CCDC85C: variants seen among roughly 807,000 people sequenced by gnomAD.
CCDC85C encodes the protein coiled-coil domain containing 85C, also known as coiled-coil domain-containing protein 85C.
CCDC85C carries 18 observed loss-of-function variants against 38.3 expected under a neutral mutation model. That is an observed-to-expected ratio of 0.47 (90% CI 0.33 to 0.70). The LOEUF is 0.70. Among genes scored for constraint, CCDC85C ranks in the 30% least tolerant of loss-of-function variants. CCDC85C has a pLI of 0.03. For synonymous variants in CCDC85C, 264 were observed against 293.8 expected (o/e 0.90, Z 1.04); for missense variants, 566 against 621.2 (o/e 0.91, Z 0.94).
chr14:99,515,173 G>T lies in CCDC85C; in HGVS notation c.*73C>A. The T allele has an allele frequency of 1.8e-6, 2 of 1,098,708 alleles. No homozygotes were observed. The highest frequency in any genetic ancestry group is 2.7e-6 in the Non-Finnish European group (2 of 749,944). The allele number at this position is 1,098,708 out of a possible 1,614,324, so 68.1% of individuals were successfully genotyped here. On this transcript the variant is annotated 3_prime_UTR_variant, in exon 6 of 6. Coordinates refer to ENST00000380243, the MANE Select transcript of CCDC85C (RefSeq NM_001144995.2). The stretch of plus-strand genomic sequence containing the variant: ...AGACAGGGGCTGGGCTGGAGGTCCT[G>T]CCCGTGTCTGGGGCCTGAAACTCCC...
chr14:99,592,809 G>A (rs907777836), intron 1 of CCDC85C, among the ~76,000 whole-genome samples: 17 of 152,198 alleles, frequency 1.1e-4, no homozygotes, highest in Admixed American at 7.9e-4. Context: ...CCAGAGGACA[G>A]ACCCAAAAGG....
At position 99,502,498 on chromosome 14, in the gene CCDC85C, C is replaced by T. The variant is rs901826282; in HGVS notation, c.*12748G>A. 7 of 1,407,344 alleles carry T rather than the reference C, an allele frequency of 5.0e-6. No individual in the cohort carries two copies. In the African/African-American group the frequency reaches 8.7e-5, roughly 18 times the overall value. The allele number at this position is 1,407,344 out of a possible 1,614,324, so 87.2% of individuals were successfully genotyped here. ...ACATATGTGAGCAATATTTCAGAAG[C>T]ATCATTAATTAAATTATCTAATAGT... On this transcript the variant is annotated 3_prime_UTR_variant, in exon 6 of 6. Coordinates refer to ENST00000380243, the MANE Select transcript of CCDC85C (RefSeq NM_001144995.2).
At chr14:99,540,328 G>A (rs1897687471) in intron 1 of CCDC85C, among the ~76,000 whole-genome samples, 1 of 152,106 alleles carries the variant, frequency 6.6e-6, no homozygotes, top group Non-Finnish European at 1.5e-5. Flanking sequence ...CTTGGGTCAG[G>A]AGCAGGCACT....
intron 1 of CCDC85C, among the ~76,000 whole-genome samples, 196 bp from the exon 2 acceptor site, chr14:99,536,284 G>A (rs1018224406): frequency 2.0e-5 from 3 of 152,154 alleles, no homozygotes; most frequent in South Asian, 2.1e-4. Flanking sequence ...AAAGGCTTCC[G>A]GCCATAGGGC....
In CCDC85C at chr14:99,536,053, T is replaced by C; in HGVS notation, c.829A>G (p.Lys277Glu). Reference sequence around the variant, plus strand: ...TTGTCACCCTCCAGCAGCCTCACTTTGCTCTCCAGTTGCCTGATGTAGGTG... The same window carrying C: ...TTGTCACCCTCCAGCAGCCTCACTTCGCTCTCCAGTTGCCTGATGTAGGTG... ...SSTYIRQLES[K>E]VRLLEGDKLL... The change falls in exon 2 of 6, where the codon AAA becomes GAA. Residue 277 changes from lysine to glutamate, a missense_variant. By Grantham distance (56) the Lys-to-Glu change is moderately conservative. Around this residue, in one of 3 missense-constraint regions of CCDC85C, gnomAD observed 286 missense variants for 276.4 expected, o/e 1.03. Transcript: ENST00000380243. 2 of 1,551,606 alleles carry C rather than the reference T, an allele frequency of 1.3e-6. No homozygotes were observed. Among genetic ancestry groups the C allele is most frequent in the Non-Finnish European group, 1.7e-6 (2 of 1,146,940 alleles).
At chr14:99,525,287 C>G (rs1419856295) in intron 2 of CCDC85C, among the ~76,000 whole-genome samples, 2 of 152,210 alleles carry the variant, frequency 1.3e-5, no homozygotes, top group Non-Finnish European at 2.9e-5. Context: ...AGAGGGGAAC[C>G]CCGTCCTGCA....
At chr14:99,582,356 T>C (rs931995129) in intron 1 of CCDC85C, among the ~76,000 whole-genome samples, 1 of 152,168 alleles carries the variant, frequency 6.6e-6, no homozygotes, top group African/African-American at 2.4e-5. Context: ...TGACAAGGTA[T>C]TCTCCACCTG....
intron 2 of CCDC85C, 119 bp from the exon 3 acceptor site, chr14:99,522,359 T>A: frequency 3.0e-6 from 2 of 667,926 alleles, no homozygotes; most frequent in Non-Finnish European, 5.1e-6. Context: ...GGAGGACCCC[T>A]CCACCCTCCC....
rs1443068171 is a variant in CCDC85C, at chr14:99,515,298, T to C, written c.1208A>G (p.Lys403Arg). Residue 403 changes from lysine (K) to arginine (R), a missense_variant, in exon 6 of 6, where the codon AAG becomes AGG. Lys to Arg is a conservative substitution (Grantham distance 26). Coordinates refer to ENST00000380243, the MANE Select transcript of CCDC85C (RefSeq NM_001144995.2). The part of the protein sequence containing the change: ...WRKLGDAASS[K>R]PSIRQHLSGN... ...AGACAGGTGCTGCCGTATGGAGGGC[T>C]TGGAGCTGGCTGCATCTCCCAGCTT... 1.3e-6 allele frequency: 2 copies of C among 1,550,868 alleles called. No homozygotes were observed. The highest frequency in any genetic ancestry group is 1.2e-5 in the South Asian group (1 of 84,062).
chr14:99,559,929 G>T (rs775748984), intron 1 of CCDC85C, among the ~76,000 whole-genome samples: 1 of 151,910 alleles, frequency 6.6e-6, no homozygotes. Context: ...CACGGGACTG[G>T]GTTGCATGGG....
In CCDC85C at chr14:99,503,312, C is replaced by CTG. The variant is rs1896887984; in HGVS notation, c.*11933_*11934insCA. 1.6e-6 allele frequency: 1 copy of CTG among 606,166 alleles called. No homozygotes were observed. The highest frequency in any genetic ancestry group is 2.9e-6 in the Non-Finnish European group (1 of 339,366). 37.5% of individuals were successfully genotyped at this position (606,166 alleles called of 1,614,324 possible). On this transcript the variant is annotated 3_prime_UTR_variant, in exon 6 of 6. Transcript: ENST00000380243. ...GCTGCTTCTGTGCAGCTGCCTGACCCCAAACAGTGGACCGTTTCCTGCACC... is the reference window on the plus strand; with the variant it reads ...GCTGCTTCTGTGCAGCTGCCTGACCCTGCAAACAGTGGACCGTTTCCTGCACC...
intron 1 of CCDC85C, among the ~76,000 whole-genome samples, chr14:99,575,291 T>C (rs1047906062): frequency 2.6e-5 from 4 of 152,196 alleles, no homozygotes; most frequent in Non-Finnish European, 4.4e-5. Context: ...CTCAGGAACC[T>C]GGGAGAGGCC....
rs1365092597 is a variant in CCDC85C at position 99,508,123 on chromosome 14, T to C, written c.*7123A>G. On this transcript the variant is annotated 3_prime_UTR_variant, in exon 6 of 6. Transcript: ENST00000380243. Reference sequence around the variant, plus strand: ...GACAGCACTGTGTGCCCGTAACAGATGTGCCACAGATTACATTTCTGTTCC... The same window carrying C: ...GACAGCACTGTGTGCCCGTAACAGACGTGCCACAGATTACATTTCTGTTCC... 6.6e-6 allele frequency: 1 copy of C among 152,224 alleles called. No homozygotes were observed. Among genetic ancestry groups the C allele is most frequent in the Non-Finnish European group, 1.5e-5 (1 of 68,050 alleles). 9.4% of individuals were successfully genotyped at this position (152,224 alleles called of 1,614,324 possible). A position where few individuals can be genotyped will look rare whatever the true frequency, so the allele number is the denominator to read the frequency against.
intron 2 of CCDC85C, among the ~76,000 whole-genome samples, chr14:99,531,860 T>C (rs923939464): frequency 2.6e-5 from 4 of 152,222 alleles, no homozygotes; most frequent in African/African-American, 9.6e-5. Context: ...GAACTCTTTC[T>C]TCAAGATTCC....
At chr14:99,577,549 G>C (rs1269144203) in intron 1 of CCDC85C, among the ~76,000 whole-genome samples, 4 of 152,122 alleles carry the variant, frequency 2.6e-5, no homozygotes, top group African/African-American at 9.6e-5. Context: ...AACAAGACCT[G>C]TGTGGGGAGC....
At chr14:99,584,391 C>T (rs2055006167) in intron 1 of CCDC85C, among the ~76,000 whole-genome samples, 1 of 152,154 alleles carries the variant, frequency 6.6e-6, no homozygotes, top group Non-Finnish European at 1.5e-5. Context: ...GAGATAGCAG[C>T]TGGGAGGTGC....
In CCDC85C at chr14:99,502,623, G is replaced by C; in HGVS notation, c.*12623C>G. On this transcript the variant is annotated 3_prime_UTR_variant, in exon 6 of 6. Coordinates refer to ENST00000380243, the MANE Select transcript of CCDC85C (RefSeq NM_001144995.2). ...GAGTTGTAAATGTGATTCATGCTTA[G>C]GTCCTCGTAGGGGTATCATAACTGA... 7.9e-7 allele frequency: 1 copy of C among 1,264,200 alleles called. No homozygotes were observed. The highest frequency in any genetic ancestry group is 1.1e-6 in the Non-Finnish European group (1 of 895,776). 78.3% of individuals were successfully genotyped at this position (1,264,200 alleles called of 1,614,324 possible). A position where few individuals can be genotyped will look rare whatever the true frequency, so the allele number is the denominator to read the frequency against.
rs987209352 is a variant in CCDC85C, at chr14:99,509,510, ACACGCAGCACGCACAGACATGCAGCACG to A, written c.*5708_*5735del. ...CCTGCTGCACACGCAGCACGCACAC[ACACGCAGCACGCACAGACATGCAGCACG>A]CACGCAGCACGCACACGCACACACA... On this transcript the variant is annotated 3_prime_UTR_variant, in exon 6 of 6. Transcript: ENST00000380243. 4.4e-4 allele frequency: 67 copies of A among 152,104 alleles called. 1 individual carries two copies. The South Asian group carries it at 9.7e-3, about 22-fold the overall frequency. 9.4% of individuals were successfully genotyped at this position (152,104 alleles called of 1,614,324 possible).
At chr14:99,574,956 C>T (rs928971501) in intron 1 of CCDC85C, among the ~76,000 whole-genome samples, 2 of 152,192 alleles carry the variant, frequency 1.3e-5, no homozygotes. Context: ...CCCACAGACC[C>T]TGAGAAGCCA....
Sources: allele counts gnomAD v4.1 joint callset (sites outside exome capture counted in the v4.1 genomes callset), GRCh38; gene constraint gnomAD v4.1.1; regional missense constraint gnomAD v4.1.1; transcripts MANE v1.5; gene names NCBI Gene and HGNC (gene_info 2026-07-23, HGNC 2026-07-21).